PDP2: variants seen among roughly 807,000 people sequenced by gnomAD.
PDP2 encodes the protein [Pyruvate dehydrogenase [acetyl-transferring]]-phosphatase 2, mitochondrial.
Under a neutral mutation model 34.2 loss-of-function variants are expected in PDP2, and 23 were observed. The ratio of observed to expected loss-of-function variants is 0.67; its 90% confidence interval spans 0.48 to 0.95. The LOEUF is 0.95. Ranked by LOEUF, PDP2 falls within the 40% of genes least tolerant of loss-of-function variation. The probability of loss-of-function intolerance (pLI) is 0.00; values close to 1 mark genes in which losing one functional copy is unlikely to be tolerated. For missense variants in PDP2, 571 were observed against 659.6 expected (o/e 0.87, Z 1.47); for synonymous variants, 275 against 269.2 (o/e 1.02, Z -0.21).
Position 66,886,072 on chromosome 16 carries a change from T to C in PDP2, c.*198T>C. ...GCAGTGATTTCATGTCCCTGTATGT[T>C]CTGATTAAGTCTTATATGCAGAGAG... On this transcript the variant is annotated 3_prime_UTR_variant, in exon 2 of 2. Transcript: ENST00000311765. 1 of 595,228 alleles carries C rather than the reference T, an allele frequency of 1.7e-6. No individual in the cohort carries two copies. The allele number at this position is 595,228 out of a possible 1,614,324, so 36.9% of individuals were successfully genotyped here.
chr16:66,881,479 G>T (rs947546216), intron 1 of PDP2, among the ~76,000 whole-genome samples: 6 of 143,898 alleles, frequency 4.2e-5, no homozygotes, highest in African/African-American at 1.7e-4. Context: ...TATATTCCAA[G>T]GAAAAGTACC....
rs1483860126 is a variant in PDP2, at chr16:66,884,495, G to T, written c.211G>T (p.Asp71Tyr). The T allele has an allele frequency of 1.2e-6, 2 of 1,614,078 alleles. No homozygotes were observed. The highest frequency in any genetic ancestry group is 3.3e-5 in the Admixed American group (2 of 60,000). The change falls in exon 2 of 2, where the codon GAT (aspartate) becomes TAT (tyrosine). Residue 71 changes from aspartate (D) to tyrosine (Y), a missense_variant. This residue lies in a region of PDP2 where 290 missense variants were observed against 283.8 expected (regional missense o/e 1.02). Transcript: ENST00000311765. ...KAYRHTSTEE[D>Y]DFHLQLSPEQ... is the part of the protein sequence containing the mutation. The stretch of plus-strand genomic sequence containing the variant: ...CTACAGACACACATCAACAGAGGAA[G>T]ATGATTTTCACTTGCAACTCAGCCC...
chr16:66,884,845 G>T lies in PDP2; in HGVS notation c.561G>T (p.Leu187=), dbSNP rs757216075. ...MESMKPLLPI[L]HWLKHPGDSI... ...GCATGAAACCCTTGCTGCCCATCCT[G>T]CATTGGCTCAAGCACCCAGGGGACA... Residue 187 remains leucine, a synonymous_variant, in exon 2 of 2, where the codon CTG becomes CTT. Transcript: ENST00000311765. 7.4e-6 allele frequency: 12 copies of T among 1,613,886 alleles called. No homozygotes were observed. In the Admixed American group the frequency reaches 2.0e-4, roughly 27 times the overall value.
At position 66,884,808 on chromosome 16, in the gene PDP2, G is replaced by A; in HGVS notation, c.524G>A (p.Gly175Glu). The A allele has an allele frequency of 6.2e-7, 1 of 1,614,118 alleles. No homozygotes were observed. The highest frequency in any genetic ancestry group is 8.5e-7 in the Non-Finnish European group (1 of 1,180,048). The change falls in exon 2 of 2, where the codon GGA becomes GAA. Residue 175 changes from glycine (G) to glutamate (E), a missense_variant. Gly to Glu is a moderately conservative substitution (Grantham distance 98). This residue lies in a region of PDP2 where 290 missense variants were observed against 283.8 expected (regional missense o/e 1.02). Coordinates refer to ENST00000311765, the MANE Select transcript of PDP2 (RefSeq NM_020786.4). ...MSHQTLEHME[G>E]AMESMKPLLP... ...CACCAGACCCTGGAGCACATGGAGG[G>A]AGCTATGGAAAGCATGAAACCCTTG...
Position 66,885,524 on chromosome 16 carries a change from C to T in PDP2, c.1240C>T (p.Leu414=). 1 of 1,614,102 alleles carries T rather than the reference C, an allele frequency of 6.2e-7. No homozygotes were observed. The highest frequency in any genetic ancestry group is 8.5e-7 in the Non-Finnish European group (1 of 1,180,038). Residue 414 remains leucine (L), a synonymous_variant, in exon 2 of 2, where the codon CTG becomes TTG. Transcript: ENST00000311765. The surrounding 1 kb of genome is among the most constrained non-coding windows in gnomAD (Gnocchi z 4.6). The part of the protein sequence containing the change: ...DKFLVLASDG[L]WDMLSNEDVV... ...GTTCCTTGTGCTGGCCTCAGATGGC[C>T]TGTGGGACATGCTGAGCAATGAGGA... is the stretch of plus-strand genomic sequence containing the variant.
chr16:66,888,475 T>G lies in PDP2; in HGVS notation c.*2601T>G, dbSNP rs1195638541. 2 of 152,176 alleles carry G rather than the reference T, an allele frequency of 1.3e-5. No individual in the cohort carries two copies. Among genetic ancestry groups the G allele is most frequent in the African/African-American group, 4.8e-5 (2 of 41,438 alleles). The allele number at this position is 152,176 out of a possible 1,614,324, so 9.4% of individuals were successfully genotyped here. A position where few individuals can be genotyped will look rare whatever the true frequency, so the allele number is the denominator to read the frequency against. ...TCTGACGTTTACTTTTTGTTGTTTT[T>G]TGAGACAAGGTCTTGCTTTGTCGCC... On this transcript the variant is annotated 3_prime_UTR_variant, in exon 2 of 2. Coordinates refer to ENST00000311765, the MANE Select transcript of PDP2 (RefSeq NM_020786.4).
Position 66,885,421 on chromosome 16 carries a change from AC to A in PDP2, c.1142del (p.Pro381HisfsTer9), listed in dbSNP as rs1961714456. 4 of 1,613,432 alleles carry A rather than the reference AC, an allele frequency of 2.5e-6. No homozygotes were observed. The highest frequency in any genetic ancestry group is 3.4e-6 in the Non-Finnish European group (4 of 1,179,974). ...TEALNIYQFT[P>X]PHYYTPPYLT... ...AGGCCCTCAACATTTACCAGTTCAC[AC>A]CCCCACACTACTACACTCCACCCTA... On this transcript the variant is annotated frameshift_variant, in exon 2 of 2. Transcript: ENST00000311765. LOFTEE classifies it high-confidence loss of function. The surrounding 1 kb of genome is among the most constrained non-coding windows in gnomAD (Gnocchi z 4.6).
Position 66,885,063 on chromosome 16 carries a change from T to A in PDP2, c.779T>A (p.Leu260His), listed in dbSNP as rs1394930327. 6.2e-7 allele frequency: 1 copy of A among 1,613,780 alleles called. No homozygotes were observed. The highest frequency in any genetic ancestry group is 1.7e-5 in the Admixed American group (1 of 60,000). The change falls in exon 2 of 2, where the codon CTC becomes CAC. Residue 260 changes from leucine (L) to histidine (H), a missense_variant. Physicochemically the swap from Leu to His is moderately conservative, Grantham distance 99. Coordinates refer to ENST00000311765, the MANE Select transcript of PDP2 (RefSeq NM_020786.4). The surrounding 1 kb of genome is among the most constrained non-coding windows in gnomAD (Gnocchi z 4.6). ...GATGAGGTGACAAGGAACCTGTCAC[T>A]CCAGGTTGCTTTCTCTGGGGCAACA... Reference protein sequence around the residue: ...LEDEVTRNLSLQVAFSGATAC... With the variant: ...LEDEVTRNLSHQVAFSGATAC...
intron 1 of PDP2, among the ~76,000 whole-genome samples, chr16:66,882,523 C>CT (rs201421043): frequency 0.18 from 26,014 of 145,974 alleles, 4,383 homozygotes; most frequent in African/African-American, 0.45. Flanking sequence ...ATAATAGCTA[C>CT]TTTTTTTTTT....
rs1352474417 is a variant in PDP2, at chr16:66,885,796, G to T, written c.1512G>T (p.Arg504Ser). 1.2e-6 allele frequency: 2 copies of T among 1,613,310 alleles called. No individual in the cohort carries two copies. The highest frequency in any genetic ancestry group is 1.7e-6 in the Non-Finnish European group (2 of 1,180,026). The change falls in exon 2 of 2, where the codon AGG becomes AGT. Residue 504 changes from arginine (R) to serine (S), a missense_variant. This residue lies in a region of PDP2 where 281 missense variants were observed against 375.8 expected (regional missense o/e 0.75). Coordinates refer to ENST00000311765, the MANE Select transcript of PDP2 (RefSeq NM_020786.4). This position sits in a 1 kb window ranked among gnomAD's most constrained non-coding sequence, Gnocchi z 4.6. ...TGACATTGCCAGAGGACTTGGCGAG[G>T]ATGTACAGGGATGATATCACTGTCA... ...AMLTLPEDLA[R>S]MYRDDITVTV...
chr16:66,883,388 T>C (rs1029326953), intron 1 of PDP2, among the ~76,000 whole-genome samples: 5 of 152,108 alleles, frequency 3.3e-5, no homozygotes, highest in Non-Finnish European at 5.9e-5. Context: ...CACCTCGGCC[T>C]CCCAAAGTGC....
rs778890614 is a variant in PDP2, at chr16:66,884,612, G to A, written c.328G>A (p.Glu110Lys). The A allele has an allele frequency of 1.9e-6, 3 of 1,614,236 alleles. No homozygotes were observed. Among genetic ancestry groups the A allele is most frequent in the Non-Finnish European group, 8.5e-7 (1 of 1,180,036 alleles). Residue 110 changes from glutamate to lysine, a missense_variant, in exon 2 of 2, where the codon GAG becomes AAG. By Grantham distance (56) the Glu-to-Lys change is moderately conservative. Coordinates refer to ENST00000311765, the MANE Select transcript of PDP2 (RefSeq NM_020786.4). ...SRVPNSVLRF[E>K]SNQLAANSPV... is the part of the protein sequence containing the mutation. The stretch of plus-strand genomic sequence containing the variant: ...AGTCCCAAATTCAGTGTTGCGGTTT[G>A]AGAGCAACCAGCTGGCTGCCAATTC...
In PDP2 at chr16:66,887,986, A is replaced by G. The variant is rs538195395; in HGVS notation, c.*2112A>G. The G allele has an allele frequency of 1.0e-5, 1 of 99,396 alleles. No homozygotes were observed. The highest frequency in any genetic ancestry group is 4.1e-5 in the African/African-American group (1 of 24,540). 6.2% of individuals were successfully genotyped at this position (99,396 alleles called of 1,614,324 possible). On this transcript the variant is annotated 3_prime_UTR_variant, in exon 2 of 2. Coordinates refer to ENST00000311765, the MANE Select transcript of PDP2 (RefSeq NM_020786.4). ...AAAAAAAAAATCCATCTTATCTCTT[A>G]GTCCGTCCTTCCTTCCTTCCTTCCT...
Position 66,885,605 on chromosome 16 carries a change from C to T in PDP2, c.1321C>T (p.Leu441=), listed in dbSNP as rs765375960. The T allele has an allele frequency of 8.1e-6, 13 of 1,614,078 alleles. No individual in the cohort carries two copies. The highest frequency in any genetic ancestry group is 9.3e-6 in the Non-Finnish European group (11 of 1,180,024). Residue 441 remains leucine (L), a synonymous_variant, in exon 2 of 2, where the codon CTG becomes TTG. Coordinates refer to ENST00000311765, the MANE Select transcript of PDP2 (RefSeq NM_020786.4). This position sits in a 1 kb window ranked among gnomAD's most constrained non-coding sequence, Gnocchi z 4.6. ...TGAGGCAGATTGGCACAAGACAGAC[C>T]TGGCCCAGAGACCCGCCAACTTGGG... ...LAEADWHKTD[L]AQRPANLGLM... is the part of the protein sequence containing the mutation.
intron 1 of PDP2, among the ~76,000 whole-genome samples, chr16:66,881,522 C>T (rs548240975): frequency 6.6e-6 from 1 of 151,652 alleles, no homozygotes; most frequent in Admixed American, 6.6e-5. Context: ...GGAAACTCGT[C>T]ACCCCCTTGA....
rs1383432936 is a variant in PDP2 at position 66,887,273 on chromosome 16, T to C, written c.*1399T>C. 1 of 166,378 alleles carries C rather than the reference T, an allele frequency of 6.0e-6. No individual in the cohort carries two copies. Among genetic ancestry groups the C allele is most frequent in the African/African-American group, 2.4e-5 (1 of 41,468 alleles). 10.3% of individuals were successfully genotyped at this position (166,378 alleles called of 1,614,324 possible). The stretch of plus-strand genomic sequence containing the variant: ...CAGTTATGTGGATCCATTTTGGAGA[T>C]GAATTTCATCTCATGAGTTGCTGTG... On this transcript the variant is annotated 3_prime_UTR_variant, in exon 2 of 2. Transcript: ENST00000311765.
chr16:66,884,885 G>A lies in PDP2; in HGVS notation c.601G>A (p.Val201Ile). 1 of 1,614,126 alleles carries A rather than the reference G, an allele frequency of 6.2e-7. No homozygotes were observed. The highest frequency in any genetic ancestry group is 8.5e-7 in the Non-Finnish European group (1 of 1,180,022). ...KHPGDSIYKD[V>I]TSVHLDHLRV... ...CCCAGGGGACAGTATCTACAAGGATGTCACATCTGTGCATCTTGACCACCT... is the reference window on the plus strand; with the variant it reads ...CCCAGGGGACAGTATCTACAAGGATATCACATCTGTGCATCTTGACCACCT... Residue 201 changes from valine to isoleucine, a missense_variant, in exon 2 of 2, where the codon GTC (valine) becomes ATC (isoleucine). This residue lies in a region of PDP2 where 290 missense variants were observed against 283.8 expected (regional missense o/e 1.02). Coordinates refer to ENST00000311765, the MANE Select transcript of PDP2 (RefSeq NM_020786.4).
In PDP2 at chr16:66,885,894, C is replaced by G. The variant is rs541803329; in HGVS notation, c.*20C>G. On this transcript the variant is annotated 3_prime_UTR_variant, in exon 2 of 2. Transcript: ENST00000311765. This position sits in a 1 kb window ranked among gnomAD's most constrained non-coding sequence, Gnocchi z 4.6. ...GGTTAAGAATCTCCCATCCTATTGT[C>G]AAGGTTAACATAAATGCTCTTCTAA... 1.3e-6 allele frequency: 2 copies of G among 1,573,970 alleles called. No individual in the cohort carries two copies. The highest frequency in any genetic ancestry group is 1.2e-5 in the South Asian group (1 of 85,652).
At chr16:66,881,428 T>TTTTAATTTTAA (rs1555516136) in intron 1 of PDP2, among the ~76,000 whole-genome samples, 9 of 119,176 alleles carry the variant, frequency 7.6e-5, no homozygotes, top group African/African-American at 2.9e-4. Context: ...GTTTTTTTTT[T>TTTTAATTTTAA]TTTAATTTAA....
Sources: allele counts gnomAD v4.1 joint callset (sites outside exome capture counted in the v4.1 genomes callset), GRCh38; gene constraint gnomAD v4.1.1; regional missense constraint gnomAD v4.1.1; non-coding constraint Gnocchi (gnomAD v3.1); transcripts MANE v1.5; gene names NCBI Gene and HGNC (gene_info 2026-07-23, HGNC 2026-07-21).